HIVEP3: variants seen among roughly 807,000 people sequenced by gnomAD.
HIVEP3 encodes transcription factor HIVEP3.
In HIVEP3, 49 loss-of-function variants were observed where a neutral mutation model predicts 152.8. The ratio of observed to expected loss-of-function variants is 0.32; its 90% CI spans 0.26 to 0.41. The LOEUF is 0.41. HIVEP3 is among the 10% of genes least tolerant of loss of function. The probability of loss-of-function intolerance (pLI) is 1.00; values close to 1 mark genes in which losing one functional copy is unlikely to be tolerated. For missense variants in HIVEP3, 2,790 were observed against 3,103.3 expected, an observed-to-expected ratio of 0.90 and a Z score of 2.40; for synonymous variants, 1,269 against 1,289.0, an observed-to-expected ratio of 0.98 and a Z score of 0.33.
At chr1:41,968,241 AC>A in intron 1 of HIVEP3, among the ~76,000 whole-genome samples, 1 of 151,816 alleles carries the variant, frequency 6.6e-6, no homozygotes, top group East Asian at 1.9e-4. Flanking sequence ...TGGCAGAGAT[AC>A]AAAAAAAAAA....
intron 1 of HIVEP3, among the ~76,000 whole-genome samples, chr1:42,025,974 G>A (rs1181693849): frequency 2.0e-5 from 3 of 151,996 alleles, no homozygotes; most frequent in African/African-American, 7.2e-5. Flanking sequence ...AGAGGATGAG[G>A]TGAGAGGATC....
chr1:41,541,490 C>T (rs984326117), intron 5 of HIVEP3, among the ~76,000 whole-genome samples: 2 of 152,114 alleles, frequency 1.3e-5, no homozygotes, highest in Admixed American at 1.3e-4. Flanking sequence ...CTCCTGAATC[C>T]CCACAGCAGA....
chr1:41,522,011 C>T (rs1277729375), intron 6 of HIVEP3, among the ~76,000 whole-genome samples: 2 of 152,236 alleles, frequency 1.3e-5, no homozygotes, highest in African/African-American at 4.8e-5. Context: ...GAGCTGCTGC[C>T]ACGACGTCTG....
At chr1:41,744,427 T>C (rs1003531457) in intron 1 of HIVEP3, among the ~76,000 whole-genome samples, 2 of 152,266 alleles carry the variant, frequency 1.3e-5, no homozygotes, top group African/African-American at 4.8e-5. Flanking sequence ...AGTTCCTGCA[T>C]GCTGGAGGTG....
At chr1:41,640,366 A>T (rs1171163985) in intron 2 of HIVEP3, among the ~76,000 whole-genome samples, 2 of 152,056 alleles carry the variant, frequency 1.3e-5, no homozygotes, top group Non-Finnish European at 1.5e-5. Flanking sequence ...TGTCACAGAA[A>T]GCCCCCTGGA....
chr1:41,621,499 G>A (rs546111443), intron 3 of HIVEP3, among the ~76,000 whole-genome samples: 2 of 152,338 alleles, frequency 1.3e-5, no homozygotes, highest in South Asian at 4.1e-4. Flanking sequence ...CAATGAGCCT[G>A]CTCTTCTTCT....
At chr1:41,984,395 C>T (rs1645310428) in intron 1 of HIVEP3, among the ~76,000 whole-genome samples, 2 of 151,994 alleles carry the variant, frequency 1.3e-5, no homozygotes, top group Non-Finnish European at 2.9e-5. Flanking sequence ...GAGAATATGA[C>T]CTGAATGGGG....
intron 1 of HIVEP3, among the ~76,000 whole-genome samples, chr1:41,889,041 C>T (rs1401786478): frequency 2.4e-3 from 356 of 149,092 alleles, no homozygotes; most frequent in African/African-American, 8.6e-3. Context: ...GCTACACACA[C>T]ACACACACAC....
chr1:41,950,316 A>C (rs1318078160), intron 1 of HIVEP3, among the ~76,000 whole-genome samples: 1 of 151,862 alleles, frequency 6.6e-6, no homozygotes, highest in Non-Finnish European at 1.5e-5. Context: ...ACTGCAAAAC[A>C]AAACAAAACA....
intron 1 of HIVEP3, among the ~76,000 whole-genome samples, chr1:41,784,882 T>C (rs982844670): frequency 6.6e-6 from 1 of 152,206 alleles, no homozygotes; most frequent in Non-Finnish European, 1.5e-5. Context: ...TTTACAAATT[T>C]TTATCAAAAC....
chr1:41,929,984 G>A (rs950856662), intron 1 of HIVEP3, among the ~76,000 whole-genome samples: 1 of 151,980 alleles, frequency 6.6e-6, no homozygotes, highest in African/African-American at 2.4e-5. Context: ...TACAGTGTCT[G>A]TGTACAGTTA....
At chr1:41,906,456 T>C (rs1025806611) in intron 1 of HIVEP3, among the ~76,000 whole-genome samples, 1 of 152,206 alleles carries the variant, frequency 6.6e-6, no homozygotes, top group South Asian at 2.1e-4. Context: ...GCATATTTTA[T>C]GATTTTAGCT....
At chr1:41,712,122 A>G (rs548560349) in intron 1 of HIVEP3, among the ~76,000 whole-genome samples, 1 of 152,336 alleles carries the variant, frequency 6.6e-6, no homozygotes, top group South Asian at 2.1e-4. Context: ...TGCTTCAACA[A>G]GTACTCATCA....
At chr1:41,624,606 T>C (rs1200953523) in intron 3 of HIVEP3, among the ~76,000 whole-genome samples, 2 of 152,232 alleles carry the variant, frequency 1.3e-5, no homozygotes, top group African/African-American at 4.8e-5. Flanking sequence ...TACAAGCAAG[T>C]ACACTCTGAA....
At chr1:41,879,037 T>A (rs1412901562) in intron 1 of HIVEP3, among the ~76,000 whole-genome samples, 8 of 144,406 alleles carry the variant, frequency 5.5e-5, no homozygotes, top group African/African-American at 2.0e-4. Flanking sequence ...AGATTTATAA[T>A]CCATGCATAA....
In HIVEP3 at chr1:41,992,122, C is replaced by G. The variant is rs1412049964; in HGVS notation, n.119+43685G>C. 2.8e-5 allele frequency among the ~76,000 whole-genome samples: 4 copies of G among 141,412 alleles called. No individual in the cohort carries two copies. In the East Asian group the frequency reaches 8.4e-4, roughly 30 times the overall value. The allele number at this position is 141,412 out of a possible 152,430, so 92.8% of individuals were successfully genotyped here. On this transcript the variant is annotated intron_variant and non_coding_transcript_variant, in intron 1 of 3. Transcript: ENST00000489103. ...GATGCCCTCTCTCACCACTCCTATT[C>G]AACATAGTGTTGGAAGTTCTGGCCA...
chr1:41,962,537 T>C (rs2124498372), intron 1 of HIVEP3, among the ~76,000 whole-genome samples: 1 of 152,362 alleles, frequency 6.6e-6, no homozygotes, highest in Non-Finnish European at 1.5e-5. Flanking sequence ...GGGACGTCAC[T>C]AGACATTGAG....
chr1:41,777,337 G>C (rs555537482), intron 1 of HIVEP3, among the ~76,000 whole-genome samples: 14 of 152,186 alleles, frequency 9.2e-5, no homozygotes, highest in African/African-American at 1.4e-4. Context: ...TTCCGGCCAC[G>C]CAGCCCCATC....
intron 5 of HIVEP3, among the ~76,000 whole-genome samples, chr1:41,559,091 T>C (rs1569900587): frequency 6.6e-6 from 1 of 152,212 alleles, no homozygotes; most frequent in African/African-American, 2.4e-5. Flanking sequence ...ACCCCATCCA[T>C]AGCACAGATC....
Sources: allele counts gnomAD v4.1 joint callset (sites outside exome capture counted in the v4.1 genomes callset), GRCh38; gene constraint gnomAD v4.1.1; transcripts MANE v1.5; gene names NCBI Gene and HGNC (gene_info 2026-07-23, HGNC 2026-07-21).